The following ASPRV1 variants were observed in gnomAD, a reference collection of about 807,000 sequenced individuals.
ASPRV1 encodes the protein retroviral-like aspartic protease 1.
A neutral mutation model predicts 11.0 loss-of-function variants in ASPRV1; 7 were observed. The observed-to-expected ratio is 0.64, with a 90% CI of 0.36 to 1.20. ASPRV1 has a LOEUF of 1.20. Among genes scored for constraint, ASPRV1 ranks in the 50% most tolerant of loss-of-function variants. The pLI is 0.02. For missense variants in ASPRV1, 299 were observed against 320.0 expected, an observed-to-expected ratio of 0.93 and a Z score of 0.50; for synonymous variants, 136 against 138.4, an observed-to-expected ratio of 0.98 and a Z score of 0.12.
At chr2:70,086,468 G>C in the ASPRV1 span, 2 of 152,298 alleles carry the variant, frequency 1.3e-5, no homozygotes, top group African/African-American at 4.8e-5. Context: ...TCCTCAGCGG[G>C]AAGAACCGGC....
At chr2:70,081,697 T>C in the ASPRV1 span, among the ~76,000 whole-genome samples, 1,945 of 151,884 alleles carry the variant, frequency 0.013, 47 homozygotes, top group African/African-American at 0.045. Flanking sequence ...GATTCTCCCA[T>C]CTCAGCCTTG....
chr2:70,009,971 C>T, the ASPRV1 span, among the ~76,000 whole-genome samples: 7 of 152,180 alleles, frequency 4.6e-5, no homozygotes, highest in Non-Finnish European at 1.0e-4. Context: ...GTCCGTGACT[C>T]CCAGCAGGTA....
At chr2:69,935,367 T>G in the ASPRV1 span, 1 of 1,613,750 alleles carries the variant, frequency 6.2e-7, no homozygotes, top group African/African-American at 1.3e-5. Flanking sequence ...TCATCTTCGC[T>G]TGTGCCTGGA....
At chr2:69,961,923 T>C (rs1572876496), upstream of ASPRV1, 1 of 443,508 alleles carries the variant, frequency 2.3e-6, no homozygotes, top group East Asian at 3.4e-5. Context: ...CAGGTATTTG[T>C]CATCAGCCAG....
At chr2:69,984,712 C>T in the ASPRV1 span, among the ~76,000 whole-genome samples, 1 of 150,474 alleles carries the variant, frequency 6.6e-6, no homozygotes, top group Non-Finnish European at 1.5e-5. Flanking sequence ...CCTCTATCTC[C>T]CAGGTTCAAG....
At chr2:69,980,261 T>C in the ASPRV1 span, among the ~76,000 whole-genome samples, 6 of 152,174 alleles carry the variant, frequency 3.9e-5, no homozygotes, top group Non-Finnish European at 7.3e-5. Context: ...CTGCAGGTGA[T>C]TGAGAAATCA....
the ASPRV1 span, among the ~76,000 whole-genome samples, chr2:69,987,300 C>G: frequency 6.6e-6 from 1 of 152,086 alleles, no homozygotes; most frequent in African/African-American, 2.4e-5. Context: ...TCCTGTCTCC[C>G]TTCTCCTATC....
the ASPRV1 span, chr2:69,988,825 T>C: frequency 6.6e-6 from 3 of 456,356 alleles, no homozygotes; most frequent in Admixed American, 2.4e-5. Flanking sequence ...CAACATGGGG[T>C]TCTGCAGAAG....
chr2:69,979,246 G>C, the ASPRV1 span, among the ~76,000 whole-genome samples: 2 of 152,152 alleles, frequency 1.3e-5, no homozygotes, highest in African/African-American at 4.8e-5. Flanking sequence ...TGTTGGCCAG[G>C]ATGGTCTCAA....
the ASPRV1 span, among the ~76,000 whole-genome samples, chr2:70,004,677 A>C: frequency 6.6e-6 from 1 of 152,120 alleles, no homozygotes; most frequent in South Asian, 2.1e-4. Flanking sequence ...TATATGGTAG[A>C]ATCTGTTCTT....
At chr2:70,065,500 G>A in the ASPRV1 span, among the ~76,000 whole-genome samples, 4 of 151,436 alleles carry the variant, frequency 2.6e-5, no homozygotes, top group Non-Finnish European at 5.9e-5. Context: ...TGATAAGTGC[G>A]ATCACAGAAT....
At chr2:70,028,563 T>G in the ASPRV1 span, 3 of 152,304 alleles carry the variant, frequency 2.0e-5, no homozygotes, top group South Asian at 2.1e-4. Flanking sequence ...GTGGTTTGAA[T>G]GCATCCACCA....
At chr2:69,975,181 G>A in the ASPRV1 span, among the ~76,000 whole-genome samples, 2 of 152,232 alleles carry the variant, frequency 1.3e-5, no homozygotes, top group Non-Finnish European at 2.9e-5. Context: ...CTCCTTTTGA[G>A]GACAGAGAAG....
At chr2:69,964,243 C>T (rs1385497877), upstream of ASPRV1, 1 of 387,748 alleles carries the variant, frequency 2.6e-6, no homozygotes, top group South Asian at 1.9e-5. Flanking sequence ...TGGCCCCATC[C>T]TTCCCCACAA....
At chr2:70,010,762 C>T in the ASPRV1 span, among the ~76,000 whole-genome samples, 1,126 of 152,284 alleles carry the variant, frequency 7.4e-3, 18 homozygotes, top group African/African-American at 0.026. Context: ...CAGACTCAGC[C>T]CTCAGTCAAA....
the ASPRV1 span, chr2:69,988,318 G>A: frequency 1.3e-5 from 2 of 157,250 alleles, no homozygotes; most frequent in African/African-American, 4.8e-5. Context: ...GTTACACAAT[G>A]GAATATTATT....
At position 69,961,402 on chromosome 2, in the gene ASPRV1, C is replaced by T. The variant is rs201548327; in HGVS notation, c.35G>A (p.Arg12His). 8.7e-6 allele frequency: 14 copies of T among 1,614,090 alleles called. No homozygotes were observed. Among genetic ancestry groups the T allele is most frequent in the South Asian group, 4.4e-5 (4 of 91,082 alleles). Residue 12 changes from arginine (R) to histidine (H), a missense_variant, in exon 1 of 1, where the codon CGC becomes CAC. By Grantham distance (29) the Arg-to-His change is conservative. Transcript: ENST00000320256. The part of the protein sequence containing the change: ...AGSGARSEEG[R>H]RQHAFVPEPF... ...TTCCGGGACGAAGGCATGCTGCCGG[C>T]GGCCTTCCTCACTCCTGGCTCCGCT...
downstream of ASPRV1, among the ~76,000 whole-genome samples, chr2:69,957,135 C>T (rs887948122): frequency 3.9e-5 from 6 of 152,186 alleles, no homozygotes; most frequent in Admixed American, 3.9e-4. Flanking sequence ...AGTGGTATTA[C>T]ATCAGTGAAC....
At chr2:69,974,058 C>T in the ASPRV1 span, among the ~76,000 whole-genome samples, 71 of 152,294 alleles carry the variant, frequency 4.7e-4, no homozygotes, top group South Asian at 5.8e-3. Context: ...AAAATTATTG[C>T]CAGGCATGGT....
Sources: allele counts gnomAD v4.1 joint callset (sites outside exome capture counted in the v4.1 genomes callset), GRCh38; gene constraint gnomAD v4.1.1; transcripts MANE v1.5; gene names NCBI Gene and HGNC (gene_info 2026-07-23, HGNC 2026-07-21).